The following NUBP1 variants were observed in gnomAD, a reference collection of about 807,000 sequenced individuals.
NUBP1 encodes the protein cytosolic Fe-S cluster assembly factor NUBP1.
Under a neutral mutation model 41.8 loss-of-function variants are expected in NUBP1, and 46 were observed. That is an observed-to-expected ratio of 1.10 (90% CI 0.87 to 1.41). The LOEUF is 1.41. Ranked by LOEUF, NUBP1 falls within the 40% of genes most tolerant of loss-of-function variation. The probability of loss-of-function intolerance (pLI) is 0.00; values close to 1 mark genes in which losing one functional copy is unlikely to be tolerated. For missense variants in NUBP1, 494 were observed against 414.0 expected, an observed-to-expected ratio of 1.19 and a Z score of -1.68; for synonymous variants, 189 against 154.6, an observed-to-expected ratio of 1.22 and a Z score of -1.65.
chr16:10,744,995 T>G (rs1468747460), intron 2 of NUBP1, among the ~76,000 whole-genome samples: 1 of 151,004 alleles, frequency 6.6e-6, no homozygotes, highest in Non-Finnish European at 1.5e-5. Flanking sequence ...TGACCTCAAG[T>G]GATGCATCTG....
At chr16:10,746,454 C>T (rs1427855871) in intron 2 of NUBP1, among the ~76,000 whole-genome samples, 1 of 152,160 alleles carries the variant, frequency 6.6e-6, no homozygotes, top group Non-Finnish European at 1.5e-5. Flanking sequence ...TGAAAAGTGT[C>T]TCCAGGCTGA....
At chr16:10,762,818 G>T (rs1596468924) in intron 9 of NUBP1, among the ~76,000 whole-genome samples, 1 of 151,960 alleles carries the variant, frequency 6.6e-6, no homozygotes, top group South Asian at 2.1e-4. Context: ...CGCGTGCTTG[G>T]GGAGAGGGCG....
At chr16:10,744,150 C>T in intron 2 of NUBP1, 85 bp downstream of exon 2, 1 of 1,198,632 alleles carries the variant, frequency 8.3e-7, no homozygotes, top group South Asian at 1.5e-5. Context: ...GCGGGATCTG[C>T]AGAATGACTG....
Position 10,757,798 on chromosome 16 carries a change from TAAA to T in NUBP1, c.452-67_452-65del. 8.2e-7 allele frequency: 1 copy of T among 1,222,232 alleles called. No individual in the cohort carries two copies. Among genetic ancestry groups the T allele is most frequent in the Non-Finnish European group, 1.1e-6 (1 of 891,018 alleles). The allele number at this position is 1,222,232 out of a possible 1,614,324, so 75.7% of individuals were successfully genotyped here. On this transcript the variant is annotated intron_variant, in intron 6 of 10. Transcript: ENST00000283027. This position sits in a 1 kb window ranked among gnomAD's most constrained non-coding sequence, Gnocchi z 4.1. ...GGCAACATAGCAAGACCCCATCCTT[TAAA>T]AAAAAAAGAGGGAGTTGAAAGTACA...
At position 10,767,706 on chromosome 16, in the gene NUBP1, G is replaced by A. The variant is rs2031105496; in HGVS notation, c.821-243G>A. 1.8e-6 allele frequency: 1 copy of A among 563,280 alleles called. No homozygotes were observed. The highest frequency in any genetic ancestry group is 1.9e-5 in the African/African-American group (1 of 53,110). The allele number at this position is 563,280 out of a possible 1,614,324, so 34.9% of individuals were successfully genotyped here. On this transcript the variant is annotated intron_variant, in intron 9 of 10. Coordinates refer to ENST00000283027, the MANE Select transcript of NUBP1 (RefSeq NM_002484.4). This position sits in a 1 kb window ranked among gnomAD's most constrained non-coding sequence, Gnocchi z 4.6. ...AGCTGCTGAATCAGTTCTCTGTAGGGCCCTGGAACCTGCATTTTCTGTACA... is the reference window on the plus strand; with the variant it reads ...AGCTGCTGAATCAGTTCTCTGTAGGACCCTGGAACCTGCATTTTCTGTACA...
At position 10,767,885 on chromosome 16, in the gene NUBP1, A is replaced by C. The variant is rs2031133181; in HGVS notation, c.821-64A>C. 14 of 1,461,114 alleles carry C rather than the reference A, an allele frequency of 9.6e-6. No individual in the cohort carries two copies. The highest frequency in any genetic ancestry group is 1.3e-5 in the Non-Finnish European group (14 of 1,041,344). The allele number at this position is 1,461,114 out of a possible 1,614,324, so 90.5% of individuals were successfully genotyped here. On this transcript the variant is annotated intron_variant, in intron 9 of 10. Coordinates refer to ENST00000283027, the MANE Select transcript of NUBP1 (RefSeq NM_002484.4). The surrounding 1 kb of genome is among the most constrained non-coding windows in gnomAD (Gnocchi z 4.6). ...TGTCACCAGCACGGAAAGAGCCCCA[A>C]GATCTTGTGGCCATTCTGTTTTCCT...
At position 10,757,781 on chromosome 16, in the gene NUBP1, A is replaced by G. The variant is rs1900657539; in HGVS notation, c.452-92A>G. On this transcript the variant is annotated intron_variant, in intron 6 of 10. Transcript: ENST00000283027. This position sits in a 1 kb window ranked among gnomAD's most constrained non-coding sequence, Gnocchi z 4.1. ...AGTTAAGAGCCAACCTGGGCAACAT[A>G]GCAAGACCCCATCCTTTAAAAAAAA... The G allele has an allele frequency of 7.9e-6, 12 of 1,511,318 alleles. No homozygotes were observed. The highest frequency in any genetic ancestry group is 1.1e-5 in the Non-Finnish European group (12 of 1,113,544). The allele number at this position is 1,511,318 out of a possible 1,614,324, so 93.6% of individuals were successfully genotyped here.
intron 9 of NUBP1, among the ~76,000 whole-genome samples, chr16:10,762,672 A>C (rs2030143985): frequency 1.3e-5 from 2 of 151,972 alleles, no homozygotes; most frequent in Admixed American, 1.3e-4. Context: ...GGGATCCAGG[A>C]GTGCCGGCTG....
intron 2 of NUBP1, among the ~76,000 whole-genome samples, chr16:10,745,603 G>A (rs559169753): frequency 2.0e-5 from 3 of 152,382 alleles, no homozygotes; most frequent in African/African-American, 4.8e-5. Context: ...GCCTGTGCTC[G>A]ATGGAGTGGT....
chr16:10,761,949 G>A, intron 9 of NUBP1, 90 bp downstream of exon 9: 2 of 984,084 alleles, frequency 2.0e-6, no homozygotes, highest in Non-Finnish European at 3.1e-6. Context: ...TACAGAGAGG[G>A]GCAATGGAAG....
In NUBP1 at chr16:10,766,421, A is replaced by G. The variant is rs559641117; in HGVS notation, c.821-1528A>G. Among the ~76,000 whole-genome samples the G allele has an allele frequency of 3.9e-5, 6 of 152,222 alleles. No individual in the cohort carries two copies. The highest frequency in any genetic ancestry group is 1.4e-4 in the African/African-American group (6 of 41,530). Reference sequence around the variant, plus strand: ...CAGGGGGAAATGCAGTTAGGAAGGGAAAACACTAGAGCATATATGTGTGTT... The same window carrying G: ...CAGGGGGAAATGCAGTTAGGAAGGGGAAACACTAGAGCATATATGTGTGTT... On this transcript the variant is annotated intron_variant, in intron 9 of 10. Coordinates refer to ENST00000283027, the MANE Select transcript of NUBP1 (RefSeq NM_002484.4). The surrounding 1 kb of genome is among the most constrained non-coding windows in gnomAD (Gnocchi z 4.8).
At chr16:10,746,070 G>A (rs1423891665) in intron 2 of NUBP1, among the ~76,000 whole-genome samples, 2 of 152,188 alleles carry the variant, frequency 1.3e-5, no homozygotes, top group Admixed American at 6.5e-5. Context: ...TGGGGCCTTT[G>A]GCCTTTTGCA....
In NUBP1 at chr16:10,747,863, G is replaced by A. The variant is rs527826728; in HGVS notation, c.258+587G>A. Among the ~76,000 whole-genome samples, 63 of 152,266 alleles carry A rather than the reference G, an allele frequency of 4.1e-4. No homozygotes were observed. In the Middle Eastern group the frequency reaches 0.017, roughly 41 times the overall value. On this transcript the variant is annotated intron_variant, in intron 3 of 10. Coordinates refer to ENST00000283027, the MANE Select transcript of NUBP1 (RefSeq NM_002484.4). Reference sequence around the variant, plus strand: ...CCCCTTTTAGCTTTTCTCTAAGCCAGGGACCTGCAAACTATAGCCAGTGGG... The same window carrying A: ...CCCCTTTTAGCTTTTCTCTAAGCCAAGGACCTGCAAACTATAGCCAGTGGG...
intron 2 of NUBP1, 76 bp downstream of exon 2, chr16:10,744,141 C>T (rs557507882): frequency 1.0e-5 from 6 of 599,448 alleles, no homozygotes; most frequent in East Asian, 7.1e-5. Context: ...AGGGAGGGGG[C>T]GGGATCTGCA....
Position 10,768,183 on chromosome 16 carries a change from A to G in NUBP1, c.904+151A>G. On this transcript the variant is annotated intron_variant, in intron 10 of 10. Coordinates refer to ENST00000283027, the MANE Select transcript of NUBP1 (RefSeq NM_002484.4). This position sits in a 1 kb window ranked among gnomAD's most constrained non-coding sequence, Gnocchi z 4.3. The stretch of plus-strand genomic sequence containing the variant: ...CGAGGAAGCCAGGAGTCCATGAGAA[A>G]TCTCTCAATGTGTGAGTATTGTGAA... The G allele has an allele frequency of 1.6e-6, 1 of 611,926 alleles. No homozygotes were observed. Among genetic ancestry groups the G allele is most frequent in the South Asian group, 2.1e-5 (1 of 48,084 alleles). The allele number at this position is 611,926 out of a possible 1,614,324, so 37.9% of individuals were successfully genotyped here. A position where few individuals can be genotyped will look rare whatever the true frequency, so the allele number is the denominator to read the frequency against.
chr16:10,756,334 G>A (rs762525667), intron 5 of NUBP1, among the ~76,000 whole-genome samples: 12 of 151,984 alleles, frequency 7.9e-5, no homozygotes, highest in African/African-American at 2.7e-4. Context: ...AGCTGAGATT[G>A]CACCATGCAC....
At position 10,752,640 on chromosome 16, in the gene NUBP1, C is replaced by T. The variant is rs771948349; in HGVS notation, c.289C>T (p.Pro97Ser). ...TCTTCTAGACATCGATATATGTGGG[C>T]CATCGATTCCCAAGATAATGGGATT... Reference protein sequence around the residue: ...IALLDIDICGPSIPKIMGLEG... With the variant: ...IALLDIDICGSSIPKIMGLEG... Residue 97 changes from proline to serine, a missense_variant, in exon 4 of 11, where the codon CCA becomes TCA. Pro to Ser is a moderately conservative substitution (Grantham distance 74, BLOSUM62 -1). Transcript: ENST00000283027. 1 of 1,613,840 alleles carries T rather than the reference C, an allele frequency of 6.2e-7. No homozygotes were observed. The highest frequency in any genetic ancestry group is 1.1e-5 in the South Asian group (1 of 91,078).
intron 7 of NUBP1, chr16:10,760,854 G>A (rs753067125): frequency 2.1e-4 from 33 of 154,964 alleles, no homozygotes; most frequent in Admixed American, 8.2e-4. Flanking sequence ...TATGGATTTG[G>A]CAGAGGGCAT....
chr16:10,761,185 T>G, intron 7 of NUBP1, 179 bp from the exon 8 acceptor site: 3 of 527,690 alleles, frequency 5.7e-6, no homozygotes, highest in Non-Finnish European at 1.0e-5. Flanking sequence ...GTAGGGATGA[T>G]GGGGATTACA....
Sources: allele counts gnomAD v4.1 joint callset (sites outside exome capture counted in the v4.1 genomes callset), GRCh38; gene constraint gnomAD v4.1.1; non-coding constraint Gnocchi (gnomAD v3.1); transcripts MANE v1.5; gene names NCBI Gene and HGNC (gene_info 2026-07-23, HGNC 2026-07-21).